TMEM59L: variants seen among roughly 807,000 people sequenced by gnomAD.
TMEM59L encodes transmembrane protein 59-like.
TMEM59L carries 31 observed loss-of-function variants against 39.6 expected under a neutral mutation model. The observed-to-expected ratio is 0.78, with a 90% CI of 0.59 to 1.06. The LOEUF (loss-of-function observed/expected upper bound fraction) is 1.06. Ranked by LOEUF, TMEM59L falls within the 50% of genes least tolerant of loss-of-function variation. The pLI is 0.00. For missense variants in TMEM59L, 441 were observed against 451.3 expected (o/e 0.98, Z 0.21); for synonymous variants, 219 against 202.9 (o/e 1.08, Z -0.68).
In TMEM59L at chr19:18,616,057, C is replaced by A; in HGVS notation, c.491C>A (p.Ala164Asp). The A allele has an allele frequency of 6.2e-7, 1 of 1,614,150 alleles. No homozygotes were observed. Among genetic ancestry groups the A allele is most frequent in the Non-Finnish European group, 8.5e-7 (1 of 1,180,004 alleles). Reference sequence around the variant, plus strand: ...CTCTGCAATGACCTTGTCAACTCAGCCCAGGGATTTGTCTCCTCCACCTGG... The same window carrying A: ...CTCTGCAATGACCTTGTCAACTCAGACCAGGGATTTGTCTCCTCCACCTGG... ...STLCNDLVNS[A>D]QGFVSSTWTY... is the part of the protein sequence containing the mutation. The change falls in exon 4 of 8, where the codon GCC becomes GAC. Residue 164 changes from alanine to aspartate, a missense_variant. Physicochemically the swap from Ala to Asp is moderately radical, Grantham distance 126. Coordinates refer to ENST00000262817, the MANE Select transcript of TMEM59L (RefSeq NM_012109.3).
intron 7 of TMEM59L, among the ~76,000 whole-genome samples, 173 bp downstream of exon 7, chr19:18,618,665 GTGTGTGTGTATA>G (rs1457155779): frequency 2.5e-4 from 22 of 87,034 alleles, no homozygotes; most frequent in South Asian, 6.3e-4. Context: ...GTGTGTGTGT[GTGTGTGTGTATA>G]TATATATATA....
chr19:18,614,123 G>A lies in TMEM59L; in HGVS notation c.336G>A (p.Val112=), dbSNP rs1425041593. ...ECEAACVEAY[V]KEAEQQACSH... Reference sequence around the variant, plus strand: ...CCACAGCCTGCGTGGAAGCCTATGTGAAGGAGGCAGAGCAGCAGGCCTGTA... The same window carrying A: ...CCACAGCCTGCGTGGAAGCCTATGTAAAGGAGGCAGAGCAGCAGGCCTGTA... Residue 112 remains valine (V), a synonymous_variant, in exon 3 of 8, where the codon GTG becomes GTA. Transcript: ENST00000262817. The A allele has an allele frequency of 1.2e-6, 2 of 1,611,550 alleles. No individual in the cohort carries two copies. The highest frequency in any genetic ancestry group is 4.5e-5 in the East Asian group (2 of 44,860).
chr19:18,615,351 C>T (rs1348914704), intron 3 of TMEM59L, among the ~76,000 whole-genome samples: 1 of 152,196 alleles, frequency 6.6e-6, no homozygotes, highest in Non-Finnish European at 1.5e-5. Flanking sequence ...GTAATAGGGA[C>T]TACTACGCAT....
At chr19:18,613,592 CCTT>C (rs1307054740) in intron 1 of TMEM59L, among the ~76,000 whole-genome samples, 6 of 152,070 alleles carry the variant, frequency 3.9e-5, no homozygotes, top group Non-Finnish European at 8.8e-5. Context: ...GTCTGAGAAT[CCTT>C]CTCCATGTCT....
intron 3 of TMEM59L, among the ~76,000 whole-genome samples, chr19:18,614,616 T>A (rs1457048503): frequency 1.3e-5 from 2 of 152,184 alleles, no homozygotes; most frequent in African/African-American, 4.8e-5. Flanking sequence ...ACCTCACTCC[T>A]CTTAGGCGCC....
Position 18,620,578 on chromosome 19 carries a change from C to A in TMEM59L, c.*42C>A. 6.2e-7 allele frequency: 1 copy of A among 1,601,294 alleles called. No homozygotes were observed. Among genetic ancestry groups the A allele is most frequent in the Non-Finnish European group, 8.5e-7 (1 of 1,173,426 alleles). On this transcript the variant is annotated 3_prime_UTR_variant, in exon 8 of 8. Transcript: ENST00000262817. ...TCACTGCCAACTGCAGGGGGCCCCTCGGGCCTCACTTGCCCTGAGCCCAGG... is the reference window on the plus strand; with the variant it reads ...TCACTGCCAACTGCAGGGGGCCCCTAGGGCCTCACTTGCCCTGAGCCCAGG...
intron 7 of TMEM59L, among the ~76,000 whole-genome samples, chr19:18,619,208 G>C (rs534025526): frequency 1.3e-5 from 2 of 152,206 alleles, no homozygotes; most frequent in East Asian, 1.9e-4. Flanking sequence ...GGCTGGTCTT[G>C]AACTCCTGGG....
intron 5 of TMEM59L, chr19:18,617,901 C>G: frequency 1.8e-6 from 1 of 548,948 alleles, no homozygotes; most frequent in South Asian, 2.1e-5. Flanking sequence ...GTTCTTTGGT[C>G]TATCTCTCAG....
At position 18,614,688 on chromosome 19, in the gene TMEM59L, C is replaced by T. The variant is rs138950553; in HGVS notation, c.408+493C>T. On this transcript the variant is annotated intron_variant, in intron 3 of 7. Coordinates refer to ENST00000262817, the MANE Select transcript of TMEM59L (RefSeq NM_012109.3). ...TGTGATGAGCTGGTGGTCACTGTCA[C>T]CTGGAGGGGCTCAGAACTGCGGCTC... is the stretch of plus-strand genomic sequence containing the variant. Among the ~76,000 whole-genome samples, 380 of 152,372 alleles carry T rather than the reference C, an allele frequency of 2.5e-3. 3 individuals carry two copies. Among genetic ancestry groups the T allele is most frequent in the African/African-American group, 8.6e-3 (359 of 41,582 alleles).
chr19:18,620,515 G>A lies in TMEM59L; in HGVS notation c.1008G>A (p.Lys336=). 1 of 1,613,768 alleles carries A rather than the reference G, an allele frequency of 6.2e-7. No individual in the cohort carries two copies. The stretch of plus-strand genomic sequence containing the variant: ...ACAGCCTACCACCCTACAAGCTGAA[G>A]CTGGACCTGACCAAGCTGTAGGCCT... ...CEDSLPPYKL[K]LDLTKL Residue 336 remains lysine, a synonymous_variant, in exon 8 of 8, where the codon AAG becomes AAA. Transcript: ENST00000262817.
chr19:18,620,439 T>C lies in TMEM59L; in HGVS notation c.932T>C (p.Met311Thr). ...PLTLEQHKGF[M>T]MEPDWPLYPP... Reference sequence around the variant, plus strand: ...ACCCTGGAGCAGCACAAGGGCTTCATGATGGAGCCCGATTGGCCCCTGTAC... The same window carrying C: ...ACCCTGGAGCAGCACAAGGGCTTCACGATGGAGCCCGATTGGCCCCTGTAC... The change falls in exon 8 of 8, where the codon ATG becomes ACG. Residue 311 changes from methionine to threonine, a missense_variant. Physicochemically the swap from Met to Thr is moderately conservative, Grantham distance 81. Transcript: ENST00000262817. 1.9e-6 allele frequency: 3 copies of C among 1,613,444 alleles called. No homozygotes were observed. Among genetic ancestry groups the C allele is most frequent in the Non-Finnish European group, 2.5e-6 (3 of 1,179,960 alleles).
Position 18,618,420 on chromosome 19 carries a change from C to G in TMEM59L, c.828C>G (p.Leu276=), listed in dbSNP as rs1568447453. 1 of 1,608,290 alleles carries G rather than the reference C, an allele frequency of 6.2e-7. No homozygotes were observed. The highest frequency in any genetic ancestry group is 8.5e-7 in the Non-Finnish European group (1 of 1,179,306). ...PRWILACCLF[L]SVLVMLWLSC... ...GGATCCTGGCCTGCTGCCTCTTCCT[C>G]TCCGTGCTGGTGATGCTGTGGCTGA... is the stretch of plus-strand genomic sequence containing the variant. Residue 276 remains leucine, a synonymous_variant, in exon 7 of 8, where the codon CTC becomes CTG. Transcript: ENST00000262817.
chr19:18,619,594 A>G (rs1449136276), intron 7 of TMEM59L, among the ~76,000 whole-genome samples: 1 of 151,568 alleles, frequency 6.6e-6, no homozygotes, highest in Non-Finnish European at 1.5e-5. Context: ...CACGAGGTCA[A>G]GAGATTGAGA....
At position 18,612,962 on chromosome 19, in the gene TMEM59L, G is replaced by A. The variant is rs1182270354; in HGVS notation, c.4G>A (p.Ala2Thr). Residue 2 changes from alanine (A) to threonine (T), a missense_variant, in exon 1 of 8, where the codon GCT (alanine) becomes ACT (threonine). Transcript: ENST00000262817. This position sits in a 1 kb window ranked among gnomAD's most constrained non-coding sequence, Gnocchi z 6.2. ...GCCCCCCGCGTTCCGCCCGGCCATG[G>A]CTGCGGTGGCGCTGATGCCACCGCC... is the stretch of plus-strand genomic sequence containing the variant. Reference protein sequence around the residue: MAAVALMPPPLL... With the variant: MTAVALMPPPLL... The A allele has an allele frequency of 7.6e-7, 1 of 1,319,432 alleles. No homozygotes were observed. Among genetic ancestry groups the A allele is most frequent in the Non-Finnish European group, 9.6e-7 (1 of 1,039,134 alleles). The allele number at this position is 1,319,432 out of a possible 1,614,324, so 81.7% of individuals were successfully genotyped here. A position where few individuals can be genotyped will look rare whatever the true frequency, so the allele number is the denominator to read the frequency against.
rs1976484824 is a variant in TMEM59L at position 18,620,524 on chromosome 19, G to A, written c.1017G>A (p.Leu339=). ...CACCCTACAAGCTGAAGCTGGACCT[G>A]ACCAAGCTGTAGGCCTCCACTGGCC... ...SLPPYKLKLD[L]TKL The change falls in exon 8 of 8, where the codon CTG becomes CTA. Residue 339 remains leucine (L), a synonymous_variant. Coordinates refer to ENST00000262817, the MANE Select transcript of TMEM59L (RefSeq NM_012109.3). 2 of 1,613,660 alleles carry A rather than the reference G, an allele frequency of 1.2e-6. No individual in the cohort carries two copies. Among genetic ancestry groups the A allele is most frequent in the East Asian group, 4.5e-5 (2 of 44,866 alleles).
rs552666157 is a variant in TMEM59L, at chr19:18,616,817, G to C, written c.562-183G>C. ...TCCTACTTCTGGAGCTAAAGGATGGGGTTAAGGCAAATGGAGGAGCCCATG... is the reference window on the plus strand; with the variant it reads ...TCCTACTTCTGGAGCTAAAGGATGGCGTTAAGGCAAATGGAGGAGCCCATG... On this transcript the variant is annotated intron_variant, in intron 4 of 7. Coordinates refer to ENST00000262817, the MANE Select transcript of TMEM59L (RefSeq NM_012109.3). Among the ~76,000 whole-genome samples the C allele has an allele frequency of 2.2e-4, 34 of 152,274 alleles. No individual in the cohort carries two copies. In the South Asian group the frequency reaches 2.7e-3, roughly 12 times the overall value.
rs1291196004 is a variant in TMEM59L, at chr19:18,613,861, C to T, written c.172-11C>T. ...CCCATGGCCTGAGCCCCCTGTCCTC[C>T]CCTCCCCCAGGCGGGGCTGGAGGGC... On this transcript the variant is annotated splice_polypyrimidine_tract_variant and intron_variant, in intron 1 of 7. Coordinates refer to ENST00000262817, the MANE Select transcript of TMEM59L (RefSeq NM_012109.3). The T allele has an allele frequency of 6.2e-7, 1 of 1,608,790 alleles. No homozygotes were observed. The highest frequency in any genetic ancestry group is 8.5e-7 in the Non-Finnish European group (1 of 1,178,330).
Position 18,615,991 on chromosome 19 carries a change from C to T in TMEM59L, c.425C>T (p.Ala142Val). 2.5e-6 allele frequency: 4 copies of T among 1,613,926 alleles called. No individual in the cohort carries two copies. The highest frequency in any genetic ancestry group is 3.4e-6 in the Non-Finnish European group (4 of 1,179,900). ...TTTCACCAGAGAAAGGTCCTGGAGG[C>T]TCCAAGTGGGGCCCTCTCCCTCTTG... ...EPEQKRKVLE[A>V]PSGALSLLDL... The change falls in exon 4 of 8, where the codon GCT (alanine) becomes GTT (valine). Residue 142 changes from alanine (A) to valine (V), a missense_variant. Ala to Val is a moderately conservative substitution (Grantham distance 64). Transcript: ENST00000262817.
At chr19:18,617,429 A>C in intron 5 of TMEM59L, 1 of 490,320 alleles carries the variant, frequency 2.0e-6, no homozygotes, top group Non-Finnish European at 4.0e-6. Context: ...GCCACCTCCC[A>C]GGGTTCCGTG....
Sources: allele counts gnomAD v4.1 joint callset (sites outside exome capture counted in the v4.1 genomes callset), GRCh38; gene constraint gnomAD v4.1.1; non-coding constraint Gnocchi (gnomAD v3.1); transcripts MANE v1.5; gene names NCBI Gene and HGNC (gene_info 2026-07-23, HGNC 2026-07-21).